GNB4: variants seen among roughly 807,000 people sequenced by gnomAD.
GNB4 encodes guanine nucleotide-binding protein subunit beta-4.
A neutral mutation model predicts 45.2 loss-of-function variants in GNB4; 28 were observed. The ratio of observed to expected loss-of-function variants is 0.62; its 90% CI spans 0.46 to 0.85. The LOEUF is 0.85. Among genes scored for constraint, GNB4 ranks in the 40% least tolerant of loss-of-function variants. GNB4 has a pLI of 0.00. For missense variants in GNB4, 321 were observed against 425.4 expected (o/e 0.75, Z 2.16); for synonymous variants, 132 against 143.7 (o/e 0.92, Z 0.58).
chr3:179,405,322 A>G lies in GNB4; in HGVS notation c.784T>C (p.Leu262=), dbSNP rs1714433223. Residue 262 remains leucine (L), a synonymous_variant, in exon 9 of 10, where the codon TTA becomes CTA. Transcript: ENST00000232564. ...ATGATATTGTCATGAGAATACAATA[A>G]TAACTCTTGATCTGCACGAAGGTCA... ...LFDLRADQEL[L]LYSHDNIICG... The G allele has an allele frequency of 6.2e-7, 1 of 1,614,122 alleles. No individual in the cohort carries two copies. Among genetic ancestry groups the G allele is most frequent in the Non-Finnish European group, 8.5e-7 (1 of 1,179,924 alleles).
intron 6 of GNB4, among the ~76,000 whole-genome samples, chr3:179,414,075 G>A (rs1714727190): frequency 6.6e-6 from 1 of 152,080 alleles, no homozygotes; most frequent in African/African-American, 2.4e-5. Context: ...ACCTTGGGAA[G>A]AACTATAATC....
the GNB4 span, among the ~76,000 whole-genome samples, chr3:179,524,438 T>C: frequency 6.6e-6 from 1 of 152,366 alleles, no homozygotes; most frequent in East Asian, 1.9e-4. Flanking sequence ...TTGACCACTG[T>C]GGCTTAGGCA....
the GNB4 span, among the ~76,000 whole-genome samples, chr3:179,467,905 T>C: frequency 6.6e-6 from 1 of 151,702 alleles, no homozygotes; most frequent in African/African-American, 2.4e-5. Flanking sequence ...GTATTGTTCA[T>C]GTGAATGGGA....
At chr3:179,445,498 C>A (rs1715699078) in intron 1 of GNB4, among the ~76,000 whole-genome samples, 1 of 152,140 alleles carries the variant, frequency 6.6e-6, no homozygotes, top group Non-Finnish European at 1.5e-5. Context: ...GTTGCCCAGG[C>A]TGGTCTTAAA....
the GNB4 span, among the ~76,000 whole-genome samples, chr3:179,496,130 T>C: frequency 2.0e-5 from 3 of 152,152 alleles, no homozygotes; most frequent in East Asian, 5.8e-4. Flanking sequence ...TAATGATATC[T>C]ACAATTTTTT....
At chr3:179,469,857 A>G in the GNB4 span, among the ~76,000 whole-genome samples, 1 of 152,222 alleles carries the variant, frequency 6.6e-6, no homozygotes, top group Non-Finnish European at 1.5e-5. Flanking sequence ...GATGGTTACA[A>G]GAAAGTTCTG....
the GNB4 span, among the ~76,000 whole-genome samples, chr3:179,457,762 A>G: frequency 6.6e-6 from 1 of 152,170 alleles, no homozygotes; most frequent in Admixed American, 6.5e-5. Context: ...GGCAGGTGAG[A>G]TAGTCAACGT....
At chr3:179,430,816 ATC>A (rs1328157970) in intron 1 of GNB4, among the ~76,000 whole-genome samples, 1 of 151,996 alleles carries the variant, frequency 6.6e-6, no homozygotes, top group Non-Finnish European at 1.5e-5. Flanking sequence ...AGTATATTCA[ATC>A]TCTTACACTT....
At chr3:179,434,432 C>T (rs1286963576) in intron 1 of GNB4, among the ~76,000 whole-genome samples, 2 of 151,976 alleles carry the variant, frequency 1.3e-5, no homozygotes, top group Non-Finnish European at 2.9e-5. Flanking sequence ...TAACAATGCA[C>T]ACAATGGGCC....
At chr3:179,409,512 CAAAAA>C (rs1714581079) in intron 8 of GNB4, among the ~76,000 whole-genome samples, 3 of 129,530 alleles carry the variant, frequency 2.3e-5, no homozygotes, top group African/African-American at 8.7e-5. Flanking sequence ...AACTCCATCT[CAAAAA>C]CAAAAAAAAA....
At chr3:179,431,557 C>CAAAAA (rs71181291) in intron 1 of GNB4, among the ~76,000 whole-genome samples, 14 of 128,564 alleles carry the variant, frequency 1.1e-4, no homozygotes, top group Non-Finnish European at 2.0e-4. Flanking sequence ...GACTCTGTCT[C>CAAAAA]AAAAAAAAAA....
At chr3:179,492,821 A>G in the GNB4 span, among the ~76,000 whole-genome samples, 1 of 152,120 alleles carries the variant, frequency 6.6e-6, no homozygotes, top group Non-Finnish European at 1.5e-5. Context: ...TTGCCCCCTC[A>G]AGGTAAAAAG....
intron 8 of GNB4, chr3:179,410,449 A>G (rs183624701): frequency 6.6e-6 from 1 of 152,322 alleles, no homozygotes; most frequent in East Asian, 1.9e-4. Context: ...ATTGTCTCAC[A>G]GTTCTGGAGG....
At chr3:179,473,201 G>A in the GNB4 span, among the ~76,000 whole-genome samples, 6 of 152,020 alleles carry the variant, frequency 3.9e-5, no homozygotes, top group Non-Finnish European at 7.4e-5. Flanking sequence ...TCTGACTACA[G>A]ACATCCCTTC....
At chr3:179,412,403 A>G (rs1714677488) in intron 8 of GNB4, among the ~76,000 whole-genome samples, 2 of 152,126 alleles carry the variant, frequency 1.3e-5, no homozygotes, top group Admixed American at 6.6e-5. Context: ...ACTTGAGCCC[A>G]GGAGTTCAAG....
chr3:179,468,035 A>ATATATATATATATATAT, the GNB4 span, among the ~76,000 whole-genome samples: 1 of 89,854 alleles, frequency 1.1e-5, no homozygotes, highest in Non-Finnish European at 2.4e-5. Context: ...TGTTGATAAA[A>ATATATATATATATATAT]ATATATATAT....
At chr3:179,495,260 G>C in the GNB4 span, among the ~76,000 whole-genome samples, 2 of 152,052 alleles carry the variant, frequency 1.3e-5, no homozygotes, top group South Asian at 4.1e-4. Flanking sequence ...TGGATTGCCT[G>C]AGCTCAGGAG....
At chr3:179,428,120 GTATC>G (rs960753100) in intron 1 of GNB4, among the ~76,000 whole-genome samples, 2 of 152,158 alleles carry the variant, frequency 1.3e-5, no homozygotes, top group Admixed American at 1.3e-4. Flanking sequence ...AGAAAAACCA[GTATC>G]TATTTATTCT....
At chr3:179,414,859 G>A in intron 6 of GNB4, 26 bp downstream of exon 6, 1 of 1,537,624 alleles carries the variant, frequency 6.5e-7, no homozygotes, top group Non-Finnish European at 8.9e-7. Flanking sequence ...ATCGTGTGGT[G>A]GGAAAGAATA....
Sources: gnomAD v4.1 joint callset for allele counts (sites outside exome capture counted in the v4.1 genomes callset) on GRCh38, gnomAD v4.1.1 for gene constraint, MANE v1.5 for transcripts, NCBI Gene and HGNC (gene_info 2026-07-23, HGNC 2026-07-21) for gene names.